Variants in FGF10 observed in about 807,000 individuals in gnomAD.
FGF10 encodes fibroblast growth factor 10.
Under a neutral mutation model 19.8 loss-of-function variants are expected in FGF10, and 2 were observed. The ratio of observed to expected loss-of-function variants is 0.10; its 90% confidence interval spans 0.04 to 0.32. The LOEUF is 0.32. Ranked by LOEUF, FGF10 falls within the 10% of genes least tolerant of loss-of-function variation. The pLI is 1.00. For synonymous variants in FGF10, 112 were observed against 94.0 expected, an observed-to-expected ratio of 1.19 and a Z score of -1.10; for missense variants, 191 against 246.3, an observed-to-expected ratio of 0.78 and a Z score of 1.50.
At chr5:44,325,250 G>T (rs531875922) in intron 1 of FGF10, among the ~76,000 whole-genome samples, 1 of 152,222 alleles carries the variant, frequency 6.6e-6, no homozygotes, top group South Asian at 2.1e-4. Context: ...TGCTGGAGAG[G>T]ATGTGGAGAA....
rs1347199669 is a variant in FGF10, at chr5:44,300,659, C to A, written c.*4336G>T. Among the ~76,000 whole-genome samples, 1 of 152,088 alleles carries A rather than the reference C, an allele frequency of 6.6e-6. No homozygotes were observed. The highest frequency in any genetic ancestry group is 2.4e-5 in the African/African-American group (1 of 41,418). On this transcript the variant is annotated 3_prime_UTR_variant, in exon 3 of 3. Transcript: ENST00000264664. The stretch of plus-strand genomic sequence containing the variant: ...AATAGAAAATGTTTTTATGTCACAG[C>A]TTCATTTAATAAGATGTAGCAAACA...
At chr5:44,364,099 C>T (rs1356484691) in intron 1 of FGF10, among the ~76,000 whole-genome samples, 1 of 151,806 alleles carries the variant, frequency 6.6e-6, no homozygotes, top group Non-Finnish European at 1.5e-5. Context: ...TTTCAAAACC[C>T]ATCTGAGTTA....
intron 1 of FGF10, among the ~76,000 whole-genome samples, chr5:44,311,502 A>T (rs1740210318): frequency 6.6e-6 from 1 of 152,080 alleles, no homozygotes. Context: ...TTATTAGTGA[A>T]TTACCATAGG....
At chr5:44,364,188 G>A (rs1033315321) in intron 1 of FGF10, among the ~76,000 whole-genome samples, 16 of 151,798 alleles carry the variant, frequency 1.1e-4, no homozygotes, top group Non-Finnish European at 2.2e-4. Flanking sequence ...TAAAGCAAAA[G>A]TGGAAAATTA....
intron 1 of FGF10, among the ~76,000 whole-genome samples, chr5:44,351,468 C>T (rs891045257): frequency 5.3e-5 from 8 of 151,288 alleles, no homozygotes; most frequent in Non-Finnish European, 7.4e-5. Context: ...AGTGGTTTTC[C>T]AAAGATTTAA....
chr5:44,327,211 G>GA (rs1342987126), intron 1 of FGF10, among the ~76,000 whole-genome samples: 6 of 152,164 alleles, frequency 3.9e-5, no homozygotes, highest in African/African-American at 1.4e-4. Context: ...GTATCCCTGT[G>GA]AAAAATCACA....
intron 1 of FGF10, among the ~76,000 whole-genome samples, chr5:44,343,174 C>T (rs906290569): frequency 6.6e-6 from 1 of 151,950 alleles, no homozygotes; most frequent in Admixed American, 6.6e-5. Context: ...ATTTAAATTT[C>T]CACTTTATGT....
At chr5:44,373,922 C>A (rs1320899117) in intron 1 of FGF10, among the ~76,000 whole-genome samples, 1 of 152,160 alleles carries the variant, frequency 6.6e-6, no homozygotes, top group Non-Finnish European at 1.5e-5. Context: ...TACAGCAGGA[C>A]CCTGCTCTAA....
At chr5:44,307,849 T>C (rs190091210) in intron 2 of FGF10, among the ~76,000 whole-genome samples, 9 of 152,342 alleles carry the variant, frequency 5.9e-5, no homozygotes, top group Non-Finnish European at 2.9e-5. Flanking sequence ...CTAGTAGAAA[T>C]GTAAAGTTAC....
intron 1 of FGF10, among the ~76,000 whole-genome samples, chr5:44,355,535 T>C (rs1741326974): frequency 6.6e-6 from 1 of 151,204 alleles, no homozygotes; most frequent in South Asian, 2.1e-4. Context: ...TTTTAAATGG[T>C]ACCATTTACT....
chr5:44,325,275 A>G (rs1204250291), intron 1 of FGF10, among the ~76,000 whole-genome samples: 1 of 152,078 alleles, frequency 6.6e-6, no homozygotes, highest in Non-Finnish European at 1.5e-5. Flanking sequence ...GAACACTTTT[A>G]CACTGTTGGT....
chr5:44,357,867 C>T (rs1741383642), intron 1 of FGF10, among the ~76,000 whole-genome samples: 1 of 151,378 alleles, frequency 6.6e-6, no homozygotes, highest in Non-Finnish European at 1.5e-5. Flanking sequence ...TCTTTTCTGC[C>T]ATGAAGGTTC....
intron 1 of FGF10, among the ~76,000 whole-genome samples, chr5:44,341,039 T>C (rs777289509): frequency 1.3e-5 from 2 of 151,982 alleles, no homozygotes; most frequent in Non-Finnish European, 2.9e-5. Context: ...AAATATATTC[T>C]AATCAAGTCT....
intron 1 of FGF10, among the ~76,000 whole-genome samples, chr5:44,374,466 C>T (rs182270381): frequency 3.9e-5 from 6 of 152,272 alleles, no homozygotes; most frequent in South Asian, 2.1e-4. Context: ...TATAGGTACA[C>T]TCCAGGAATC....
In FGF10 at chr5:44,386,035, A is replaced by T. The variant is rs374752858; in HGVS notation, c.325+2323T>A. ...CATATAAGATATTTAGCTTGTCATT[A>T]TAACAAGTAATATATGTTATCACAG... On this transcript the variant is annotated intron_variant, in intron 1 of 2. Transcript: ENST00000264664. 1.5e-4 allele frequency among the ~76,000 whole-genome samples: 23 copies of T among 152,316 alleles called. No individual in the cohort carries two copies. In the East Asian group the frequency reaches 4.0e-3, roughly 27 times the overall value.
intron 1 of FGF10, among the ~76,000 whole-genome samples, chr5:44,345,173 C>A (rs946672679): frequency 1.3e-5 from 2 of 151,698 alleles, no homozygotes; most frequent in Non-Finnish European, 2.9e-5. Context: ...TGGGAGTCTG[C>A]AAAATATCTT....
chr5:44,332,190 T>C (rs1740749634), intron 1 of FGF10, among the ~76,000 whole-genome samples: 1 of 152,128 alleles, frequency 6.6e-6, no homozygotes, highest in African/African-American at 2.4e-5. Flanking sequence ...CAGCTTTGGA[T>C]TGGCAAGTTG....
intron 1 of FGF10, among the ~76,000 whole-genome samples, chr5:44,357,936 C>T (rs1005603601): frequency 3.3e-5 from 5 of 151,356 alleles, no homozygotes; most frequent in Non-Finnish European, 5.9e-5. Flanking sequence ...CTTACCAAAC[C>T]CACCACATTA....
chr5:44,334,210 T>A (rs757093920), intron 1 of FGF10, among the ~76,000 whole-genome samples: 1 of 152,138 alleles, frequency 6.6e-6, no homozygotes, highest in Non-Finnish European at 1.5e-5. Flanking sequence ...GAGGATATAG[T>A]GCCCTATCCT....
Sources: gnomAD v4.1 joint callset for allele counts (sites outside exome capture counted in the v4.1 genomes callset) on GRCh38, gnomAD v4.1.1 for gene constraint, MANE v1.5 for transcripts, NCBI Gene and HGNC (gene_info 2026-07-23, HGNC 2026-07-21) for gene names.